HSPA14: variants seen among roughly 807,000 people sequenced by gnomAD.
HSPA14 encodes the protein heat shock protein family A (Hsp70) member 14.
HSPA14 carries 37 observed loss-of-function variants against 65.5 expected under a neutral mutation model. That is an observed-to-expected ratio of 0.56 (90% CI 0.43 to 0.74). The LOEUF is 0.74. Ranked by LOEUF, HSPA14 falls within the 30% of genes least tolerant of loss-of-function variation. The pLI is 0.00. For synonymous variants in HSPA14, 203 were observed against 214.2 expected, an observed-to-expected ratio of 0.95 and a Z score of 0.46; for missense variants, 564 against 607.6, an observed-to-expected ratio of 0.93 and a Z score of 0.75.
chr10:14,851,611 C>T (rs1257152999), intron 7 of HSPA14, among the ~76,000 whole-genome samples: 2 of 152,212 alleles, frequency 1.3e-5, no homozygotes, highest in Non-Finnish European at 2.9e-5. Context: ...CAAGCTACGA[C>T]ACTGCTGATT....
intron 11 of HSPA14, 119 bp downstream of exon 11, chr10:14,867,414 G>C (rs759509556): frequency 5.3e-5 from 36 of 680,022 alleles, no homozygotes; most frequent in Non-Finnish European, 8.9e-5. Context: ...ATAAAACCTT[G>C]TATACTGACA....
intron 9 of HSPA14, among the ~76,000 whole-genome samples, chr10:14,855,368 G>A (rs1168441227): frequency 2.0e-5 from 3 of 152,108 alleles, no homozygotes; most frequent in Non-Finnish European, 4.4e-5. Context: ...AGGGAGTACG[G>A]AGGGGCTAAA....
At chr10:14,839,540 C>T (rs1833942257) in intron 1 of HSPA14, among the ~76,000 whole-genome samples, 2 of 149,916 alleles carry the variant, frequency 1.3e-5, no homozygotes, top group Admixed American at 1.3e-4. Context: ...GTCTGCACTC[C>T]AGCCTGGGCC....
chr10:14,854,080 A>T, intron 8 of HSPA14, 45 bp from the exon 9 acceptor site: 1 of 1,492,140 alleles, frequency 6.7e-7, no homozygotes. Context: ...AATATTGTAA[A>T]TGGCCCAGTA....
intron 12 of HSPA14, among the ~76,000 whole-genome samples, 157 bp downstream of exon 12, chr10:14,868,066 T>C (rs1832822504): frequency 6.6e-6 from 1 of 152,208 alleles, no homozygotes; most frequent in Non-Finnish European, 1.5e-5. Flanking sequence ...AATGAACACC[T>C]GTGTACTCAT....
chr10:14,846,848 T>C lies in HSPA14; in HGVS notation c.222-1761T>C, dbSNP rs556821387. The C allele has an allele frequency of 1.7e-5, 17 of 985,396 alleles. No individual in the cohort carries two copies. The African/African-American group carries it at 3.0e-4, about 17-fold the overall frequency. 61.0% of individuals were successfully genotyped at this position (985,396 alleles called of 1,614,324 possible). A position where few individuals can be genotyped will look rare whatever the true frequency, so the allele number is the denominator to read the frequency against. On this transcript the variant is annotated intron_variant, in intron 3 of 13. Transcript: ENST00000378372. ...TAGGAGGAGGAAGAGAAGATGGCAT[T>C]GCTAATAAAGGTTGTGATACACAAC...
chr10:14,849,916 G>A (rs1185225946), intron 6 of HSPA14, 105 bp downstream of exon 6: 6 of 665,814 alleles, frequency 9.0e-6, no homozygotes, highest in African/African-American at 1.8e-5. Context: ...CGATAAAATT[G>A]TATTTGTAAA....
At position 14,842,429 on chromosome 10, in the gene HSPA14, C is replaced by G. The variant is rs1297784981; in HGVS notation, c.221+2272C>G. The G allele has an allele frequency of 6.5e-7, 1 of 1,536,166 alleles. No individual in the cohort carries two copies. Among genetic ancestry groups the G allele is most frequent in the Non-Finnish European group, 8.7e-7 (1 of 1,146,922 alleles). Reference sequence around the variant, plus strand: ...AGATGTCTATCAGGCTGTGTCTAAGCGAATGCAGCAGGAGGGCTTCCGCCG... The same window carrying G: ...AGATGTCTATCAGGCTGTGTCTAAGGGAATGCAGCAGGAGGGCTTCCGCCG... On this transcript the variant is annotated intron_variant, in intron 3 of 13. Coordinates refer to ENST00000378372, the MANE Select transcript of HSPA14 (RefSeq NM_016299.4). The surrounding 1 kb of genome is among the most constrained non-coding windows in gnomAD (Gnocchi z 5.2).
At chr10:14,845,058 A>G in intron 3 of HSPA14, 1 of 985,442 alleles carries the variant, frequency 1.0e-6, no homozygotes, top group Non-Finnish European at 1.2e-6. Context: ...TGGTGTGGAT[A>G]AAGATTGCCT....
At chr10:14,838,625 C>A (rs753172356) in intron 1 of HSPA14, 166 bp downstream of exon 1, 5 of 631,958 alleles carry the variant, frequency 7.9e-6, no homozygotes, top group African/African-American at 3.9e-5. Flanking sequence ...CCCGGCCTCG[C>A]GCCTGGCGAT....
intron 3 of HSPA14, among the ~76,000 whole-genome samples, chr10:14,840,496 G>T (rs946893245): frequency 5.9e-5 from 9 of 152,146 alleles, no homozygotes; most frequent in African/African-American, 2.2e-4. Context: ...TGACAATGTG[G>T]TTGAATTTTG....
chr10:14,847,936 A>G (rs1235588812), intron 3 of HSPA14, among the ~76,000 whole-genome samples: 1 of 152,218 alleles, frequency 6.6e-6, no homozygotes, highest in Non-Finnish European at 1.5e-5. Context: ...AGGCTCACGT[A>G]CTGACTCTGC....
At chr10:14,851,399 G>A in intron 7 of HSPA14, 76 bp downstream of exon 7, 1 of 851,372 alleles carries the variant, frequency 1.2e-6, no homozygotes, top group Non-Finnish European at 2.0e-6. Flanking sequence ...TATCAGTAAA[G>A]ATTATTATGT....
chr10:14,864,633 C>T (rs1268305221), intron 10 of HSPA14, among the ~76,000 whole-genome samples: 2 of 151,416 alleles, frequency 1.3e-5, no homozygotes, highest in East Asian at 1.9e-4. Context: ...TTTCCAGCTT[C>T]GTCCTACAAA....
intron 13 of HSPA14, among the ~76,000 whole-genome samples, chr10:14,871,006 A>G (rs1832849891): frequency 6.6e-6 from 1 of 152,142 alleles, no homozygotes; most frequent in African/African-American, 2.4e-5. Flanking sequence ...TGAAAGGGTA[A>G]GTTTCTTTAT....
chr10:14,861,210 AGG>A (rs1832747453), intron 10 of HSPA14, among the ~76,000 whole-genome samples: 2 of 152,192 alleles, frequency 1.3e-5, no homozygotes, highest in Non-Finnish European at 2.9e-5. Context: ...TTGTGTTACA[AGG>A]GCAATAGGAA....
intron 10 of HSPA14, among the ~76,000 whole-genome samples, chr10:14,865,010 C>T (rs1291881874): frequency 6.6e-6 from 1 of 152,168 alleles, no homozygotes; most frequent in Middle Eastern, 3.2e-3. Context: ...TAATGATCGC[C>T]ATTCTAACTG....
intron 10 of HSPA14, among the ~76,000 whole-genome samples, chr10:14,864,454 C>T (rs576734170): frequency 3.3e-5 from 5 of 151,920 alleles, no homozygotes; most frequent in Non-Finnish European, 5.9e-5. Flanking sequence ...TTACATTAGG[C>T]ATATCTCCTA....
At position 14,854,246 on chromosome 10, in the gene HSPA14, T is replaced by C; in HGVS notation, c.856T>C (p.Tyr286His). 2.5e-6 allele frequency: 4 copies of C among 1,612,674 alleles called. No homozygotes were observed. The highest frequency in any genetic ancestry group is 1.1e-5 in the South Asian group (1 of 90,706). ...TGCCAACTGTTTTCTTGACTCATTATATGAAGGTCAAGATTTTGATTGCAA... is the reference window on the plus strand; with the variant it reads ...TGCCAACTGTTTTCTTGACTCATTACATGAAGGTCAAGATTTTGATTGCAA... The part of the protein sequence containing the change: ...GSANCFLDSL[Y>H]EGQDFDCNVS... The change falls in exon 9 of 14, where the codon TAT becomes CAT. Residue 286 changes from tyrosine to histidine, a missense_variant. Physicochemically the swap from Tyr to His is moderately conservative, Grantham distance 83. Coordinates refer to ENST00000378372, the MANE Select transcript of HSPA14 (RefSeq NM_016299.4).
Sources: gnomAD v4.1 joint callset for allele counts (sites outside exome capture counted in the v4.1 genomes callset) on GRCh38, gnomAD v4.1.1 for gene constraint, Gnocchi (gnomAD v3.1) non-coding constraint, MANE v1.5 for transcripts, NCBI Gene and HGNC (gene_info 2026-07-23, HGNC 2026-07-21) for gene names.